Variants in MEGF10 observed in about 807,000 individuals in gnomAD.
MEGF10 encodes multiple epidermal growth factor-like domains protein 10.
Under a neutral mutation model 147.5 loss-of-function variants are expected in MEGF10, and 86 were observed. The ratio of observed to expected loss-of-function variants is 0.58; its 90% CI spans 0.49 to 0.70. MEGF10 has a LOEUF of 0.70. Among genes scored for constraint, MEGF10 ranks in the 30% least tolerant of loss-of-function variants. The pLI is 0.00. For synonymous variants in MEGF10, 478 were observed against 525.5 expected, an observed-to-expected ratio of 0.91 and a Z score of 1.24; for missense variants, 1,329 against 1,487.3, an observed-to-expected ratio of 0.89 and a Z score of 1.75.
Position 127,398,728 on chromosome 5 carries a change from T to A in MEGF10, c.712T>A (p.Cys238Ser). ...GKHGPQCEQR[C>S]PCQNGGVCHH... Reference sequence around the variant, plus strand: ...ACATGGTCCACAGTGTGAGCAGAGATGCCCTTGTCAAAATGGAGGAGTGTG... The same window carrying A: ...ACATGGTCCACAGTGTGAGCAGAGAAGCCCTTGTCAAAATGGAGGAGTGTG... The change falls in exon 7 of 25, where the codon TGC becomes AGC. Residue 238 changes from cysteine (C) to serine (S), a missense_variant. Coordinates refer to ENST00000503335, the MANE Select transcript of MEGF10 (RefSeq NM_001256545.2). 6.2e-7 allele frequency: 1 copy of A among 1,614,066 alleles called. No homozygotes were observed. The highest frequency in any genetic ancestry group is 8.5e-7 in the Non-Finnish European group (1 of 1,179,970).
the MEGF10 span, among the ~76,000 whole-genome samples, chr5:127,255,418 T>C: frequency 6.6e-6 from 1 of 152,078 alleles, no homozygotes; most frequent in Non-Finnish European, 1.5e-5. Flanking sequence ...CCTAATCTCA[T>C]AGCCTTTCAA....
At chr5:127,414,689 C>T (rs1352234204) in intron 9 of MEGF10, among the ~76,000 whole-genome samples, 7 of 152,226 alleles carry the variant, frequency 4.6e-5, no homozygotes, top group East Asian at 3.9e-4. Context: ...GAGTCACATC[C>T]GCTGTGTATC....
chr5:127,284,987 T>C, the MEGF10 span, among the ~76,000 whole-genome samples: 11 of 152,230 alleles, frequency 7.2e-5, 1 homozygote, highest in Admixed American at 4.6e-4. Flanking sequence ...ATTTATAAGG[T>C]AATTGAAAAA....
chr5:127,261,538 T>C, the MEGF10 span, among the ~76,000 whole-genome samples: 1 of 152,234 alleles, frequency 6.6e-6, no homozygotes, highest in African/African-American at 2.4e-5. Flanking sequence ...GGGTTATTTC[T>C]ACTTTTTGGT....
rs897987251 is a variant in MEGF10, at chr5:127,457,015, C to G, written c.3233-113C>G. The G allele has an allele frequency of 2.0e-5, 22 of 1,074,884 alleles. No individual in the cohort carries two copies. The African/African-American group carries it at 3.2e-4, about 16-fold the overall frequency. The allele number at this position is 1,074,884 out of a possible 1,614,324, so 66.6% of individuals were successfully genotyped here. On this transcript the variant is annotated intron_variant, in intron 24 of 24. Transcript: ENST00000503335. ...AATCATGTTTTTAAAACCAGCATTT[C>G]CTTATATTTTTTTAAAAGTCCCTTT... is the stretch of plus-strand genomic sequence containing the variant.
chr5:127,449,313 T>C lies in MEGF10; in HGVS notation c.2980+91T>C, dbSNP rs545122611. ...TCTCTGTTTGTGCCAAGGTGTTCTATTGAAAACTTGCATCAAAAAGCACAA... is the reference window on the plus strand; with the variant it reads ...TCTCTGTTTGTGCCAAGGTGTTCTACTGAAAACTTGCATCAAAAAGCACAA... On this transcript the variant is annotated intron_variant, in intron 22 of 24. Transcript: ENST00000503335. The C allele has an allele frequency of 2.3e-5, 36 of 1,549,604 alleles. No homozygotes were observed. The African/African-American group carries it at 2.6e-4, about 11-fold the overall frequency.
chr5:127,284,650 T>A, the MEGF10 span, among the ~76,000 whole-genome samples: 6 of 152,058 alleles, frequency 3.9e-5, no homozygotes, highest in South Asian at 1.2e-3. Context: ...GGAATAATTA[T>A]ACATGCCTCT....
At chr5:127,391,102 G>GCGCGCGCGCGCGCGCACACACA in intron 5 of MEGF10, among the ~76,000 whole-genome samples, 1 of 53,892 alleles carries the variant, frequency 1.9e-5, no homozygotes, top group Non-Finnish European at 5.0e-5. Context: ...GCGCGCGCGC[G>GCGCGCGCGCGCGCGCACACACA]CACACACACA....
At chr5:127,418,578 A>G (rs1216955572) in intron 10 of MEGF10, among the ~76,000 whole-genome samples, 1 of 152,206 alleles carries the variant, frequency 6.6e-6, no homozygotes, top group African/African-American at 2.4e-5. Context: ...CTGTTTTGAA[A>G]GGAGATGACC....
intron 5 of MEGF10, among the ~76,000 whole-genome samples, chr5:127,378,067 A>G (rs1763101508): frequency 1.3e-5 from 2 of 152,138 alleles, no homozygotes; most frequent in Admixed American, 1.3e-4. Context: ...GGAGTCCAAA[A>G]TTTGGACTGT....
intron 13 of MEGF10, among the ~76,000 whole-genome samples, chr5:127,428,915 G>C (rs956452630): frequency 2.6e-5 from 4 of 152,182 alleles, no homozygotes; most frequent in African/African-American, 9.7e-5. Context: ...TTAATTGCAC[G>C]AACATTTCTT....
At chr5:127,230,402 T>A in the MEGF10 span, among the ~76,000 whole-genome samples, 1 of 152,070 alleles carries the variant, frequency 6.6e-6, no homozygotes, top group South Asian at 2.1e-4. Flanking sequence ...ACCCTTTAAA[T>A]GGTCTACATC....
intron 1 of MEGF10, among the ~76,000 whole-genome samples, chr5:127,313,903 AAGG>A (rs1760407958): frequency 6.6e-6 from 1 of 152,214 alleles, no homozygotes; most frequent in Admixed American, 6.5e-5. Context: ...TTTTCCTAAG[AAGG>A]GCAAGACTTT....
intron 5 of MEGF10, among the ~76,000 whole-genome samples, chr5:127,373,352 A>G (rs1254065651): frequency 6.6e-6 from 1 of 152,140 alleles, no homozygotes; most frequent in Non-Finnish European, 1.5e-5. Context: ...GGGTTTCACC[A>G]TATTGCCCAG....
At chr5:127,395,402 G>T (rs1763865988) in intron 5 of MEGF10, among the ~76,000 whole-genome samples, 2 of 151,558 alleles carry the variant, frequency 1.3e-5, no homozygotes, top group South Asian at 4.2e-4. Flanking sequence ...CATTTAATTT[G>T]GATTCTTCGG....
chr5:127,378,653 A>G (rs1445128994), intron 5 of MEGF10, among the ~76,000 whole-genome samples: 1 of 151,958 alleles, frequency 6.6e-6, no homozygotes, highest in African/African-American at 2.4e-5. Context: ...GGGTCTCCCC[A>G]TGTCTCCCAT....
At chr5:127,400,770 G>T (rs1338663664) in intron 7 of MEGF10, among the ~76,000 whole-genome samples, 2 of 152,162 alleles carry the variant, frequency 1.3e-5, no homozygotes, top group Non-Finnish European at 2.9e-5. Context: ...TGGACAGATG[G>T]ACCCCTCCCT....
At chr5:127,352,795 C>A (rs1450618672) in intron 4 of MEGF10, among the ~76,000 whole-genome samples, 1 of 152,164 alleles carries the variant, frequency 6.6e-6, no homozygotes, top group Non-Finnish European at 1.5e-5. Context: ...ATAGAAGCAA[C>A]AGGGGACAGT....
intron 1 of MEGF10, among the ~76,000 whole-genome samples, chr5:127,324,310 T>C (rs1488712307): frequency 6.6e-6 from 1 of 152,162 alleles, no homozygotes. Context: ...AAAATAAATA[T>C]GATTTTATTC....
Sources: allele counts gnomAD v4.1 joint callset (sites outside exome capture counted in the v4.1 genomes callset), GRCh38; gene constraint gnomAD v4.1.1; transcripts MANE v1.5; gene names NCBI Gene and HGNC (gene_info 2026-07-23, HGNC 2026-07-21).